The following ZFHX4 variants were observed in gnomAD, a reference collection of about 807,000 sequenced individuals.
The protein encoded by ZFHX4 is zinc finger homeobox 4, also known as zinc finger homeobox protein 4.
A neutral mutation model predicts 267.6 loss-of-function variants in ZFHX4; 56 were observed. The observed-to-expected ratio is 0.21, with a 90% CI of 0.17 to 0.26. The LOEUF is 0.26. Ranked by LOEUF, ZFHX4 falls within the 10% of genes least tolerant of loss-of-function variation. The pLI is 1.00. For synonymous variants in ZFHX4, 1,778 were observed against 1,665.6 expected, an observed-to-expected ratio of 1.07 and a Z score of -1.64; for missense variants, 4,332 against 4,420.0, an observed-to-expected ratio of 0.98 and a Z score of 0.56.
intron 3 of ZFHX4, among the ~76,000 whole-genome samples, chr8:76,757,135 C>T (rs944712852): frequency 6.6e-6 from 1 of 152,066 alleles, no homozygotes; most frequent in Non-Finnish European, 1.5e-5. Context: ...ACACTAGACA[C>T]AAGAGGCACG....
intron 9 of ZFHX4, 29 bp downstream of exon 9, chr8:76,850,391 A>G (rs1159472568): frequency 6.5e-7 from 1 of 1,549,226 alleles, no homozygotes; most frequent in Non-Finnish European, 8.8e-7. Context: ...AAGACTTGTG[A>G]ACAATACGCT....
Position 76,853,692 on chromosome 8 carries a change from A to G in ZFHX4, c.6771A>G (p.Glu2257=), listed in dbSNP as rs373595693. Residue 2257 remains glutamate, a synonymous_variant, in exon 10 of 11, where the codon GAA becomes GAG. Coordinates refer to ENST00000651372, the MANE Select transcript of ZFHX4 (RefSeq NM_024721.5). The part of the protein sequence containing the change: ...TNAYPKDDEI[E]QLSTVLNLPT... Reference sequence around the variant, plus strand: ...CTTACCCAAAAGATGATGAAATAGAACAACTCTCCACTGTTCTCAATCTGC... The same window carrying G: ...CTTACCCAAAAGATGATGAAATAGAGCAACTCTCCACTGTTCTCAATCTGC... The G allele has an allele frequency of 5.4e-5, 87 of 1,613,732 alleles. No homozygotes were observed. In the African/African-American group the frequency reaches 1.0e-3, roughly 19 times the overall value.
At chr8:76,794,111 T>G (rs1810910379) in intron 4 of ZFHX4, among the ~76,000 whole-genome samples, 1 of 152,182 alleles carries the variant, frequency 6.6e-6, no homozygotes, top group African/African-American at 2.4e-5. Context: ...AAGCAGAACT[T>G]TACAAAGCTT....
At chr8:76,831,065 A>G (rs1190204326) in intron 4 of ZFHX4, among the ~76,000 whole-genome samples, 3 of 152,206 alleles carry the variant, frequency 2.0e-5, no homozygotes, top group African/African-American at 7.2e-5. Flanking sequence ...AACCTCTTTA[A>G]GCTCTAGCTT....
rs767006421 is a variant in ZFHX4 at position 76,854,639 on chromosome 8, C to T, written c.7718C>T (p.Thr2573Met). 16 of 1,613,724 alleles carry T rather than the reference C, an allele frequency of 9.9e-6. No homozygotes were observed. Among genetic ancestry groups the T allele is most frequent in the Admixed American group, 8.3e-5 (5 of 60,008 alleles). Reference sequence around the variant, plus strand: ...TCCTCCCACACCACAGCCCCCACAACGGTTGCTGCTTCCCTAAAAAGGAAA... The same window carrying T: ...TCCTCCCACACCACAGCCCCCACAATGGTTGCTGCTTCCCTAAAAAGGAAA... ...ASSSHTTAPT[T>M]VAASLKRKLD... Residue 2573 changes from threonine to methionine, a missense_variant, in exon 10 of 11, where the codon ACG becomes ATG. Physicochemically the swap from Thr to Met is moderately conservative, Grantham distance 81. Coordinates refer to ENST00000651372, the MANE Select transcript of ZFHX4 (RefSeq NM_024721.5).
rs972690216 is a variant in ZFHX4, at chr8:76,808,677, C to G, written c.3326-24661C>G. 5.9e-5 allele frequency among the ~76,000 whole-genome samples: 9 copies of G among 152,050 alleles called. No individual in the cohort carries two copies. In the East Asian group the frequency reaches 1.7e-3, roughly 29 times the overall value. ...AGTGAGTCATTTAAATATTGATTGG[C>G]CCTTTCTACACGAATTGTTAGCTGA... On this transcript the variant is annotated intron_variant, in intron 4 of 10. Transcript: ENST00000651372.
chr8:76,843,026 G>A (rs940828089), intron 6 of ZFHX4, among the ~76,000 whole-genome samples: 4 of 152,116 alleles, frequency 2.6e-5, no homozygotes, highest in African/African-American at 7.2e-5. Context: ...ATTACAGGAC[G>A]ACCAGTGAGA....
At chr8:76,774,923 C>T (rs1335554821) in intron 3 of ZFHX4, among the ~76,000 whole-genome samples, 3 of 152,016 alleles carry the variant, frequency 2.0e-5, no homozygotes, top group African/African-American at 7.2e-5. Flanking sequence ...TACAAAATAT[C>T]AGTAATAGTG....
intron 4 of ZFHX4, among the ~76,000 whole-genome samples, chr8:76,823,130 C>CTTT (rs201717109): frequency 7.3e-6 from 1 of 136,266 alleles, no homozygotes. Context: ...ATAGTGTCTC[C>CTTT]TTTTTTTTTT....
chr8:76,839,053 AAGAG>A (rs35873786), intron 5 of ZFHX4, among the ~76,000 whole-genome samples: 14,726 of 107,004 alleles, frequency 0.14, 1,023 homozygotes, highest in African/African-American at 0.2. Context: ...CTCTGTCTGA[AAGAG>A]AGAGAGAGAG....
chr8:76,852,923 A>G lies in ZFHX4; in HGVS notation c.6002A>G (p.Glu2001Gly). The G allele has an allele frequency of 6.2e-7, 1 of 1,600,566 alleles. No homozygotes were observed. The highest frequency in any genetic ancestry group is 8.5e-7 in the Non-Finnish European group (1 of 1,173,026). Residue 2001 changes from glutamate (E) to glycine (G), a missense_variant, in exon 10 of 11, where the codon GAA becomes GGA. Glu to Gly is a moderately conservative substitution (Grantham distance 98). Transcript: ENST00000651372. ...KLYPISPSSP[E>G]TPPPPPPPPP... is the part of the protein sequence containing the mutation. Reference sequence around the variant, plus strand: ...TATCCAATTTCTCCATCTTCTCCAGAAACGCCGCCCCCGCCACCTCCTCCT... The same window carrying G: ...TATCCAATTTCTCCATCTTCTCCAGGAACGCCGCCCCCGCCACCTCCTCCT...
In ZFHX4 at chr8:76,754,146, A is replaced by G. The variant is rs557366188; in HGVS notation, c.3094-24062A>G. Reference sequence around the variant, plus strand: ...GTTATTCTTAGGAACATATTTGTTTACGTATCTTTACATTCCTGATTATTT... The same window carrying G: ...GTTATTCTTAGGAACATATTTGTTTGCGTATCTTTACATTCCTGATTATTT... On this transcript the variant is annotated intron_variant, in intron 3 of 10. Transcript: ENST00000651372. Among the ~76,000 whole-genome samples the G allele has an allele frequency of 2.6e-5, 4 of 152,286 alleles. No homozygotes were observed. The East Asian group carries it at 7.7e-4, about 29-fold the overall frequency.
chr8:76,854,373 C>T lies in ZFHX4; in HGVS notation c.7452C>T (p.Asn2484=). The change falls in exon 10 of 11, where the codon AAC becomes AAT. Residue 2484 remains asparagine (N), a synonymous_variant. Transcript: ENST00000651372. ...PLQISMTSLQ[N]SLPPQLLQYQ... ...AAATTTCCATGACGTCTCTCCAGAA[C>T]AGTCTACCTCCACAGTTACTACAAT... 2 of 1,613,918 alleles carry T rather than the reference C, an allele frequency of 1.2e-6. No individual in the cohort carries two copies. Among genetic ancestry groups the T allele is most frequent in the Non-Finnish European group, 1.7e-6 (2 of 1,179,878 alleles).
At chr8:76,842,593 T>G in intron 5 of ZFHX4, 62 bp from the exon 6 acceptor site, 2 of 1,247,448 alleles carry the variant, frequency 1.6e-6, no homozygotes, top group Non-Finnish European at 2.2e-6. Flanking sequence ...CCACCTAGTT[T>G]ATTTCAGTGT....
At chr8:76,759,495 G>T (rs564835373) in intron 3 of ZFHX4, among the ~76,000 whole-genome samples, 1 of 152,146 alleles carries the variant, frequency 6.6e-6, no homozygotes, top group Non-Finnish European at 1.5e-5. Flanking sequence ...AAAATGATCT[G>T]CCCCCAGGCC....
At chr8:76,698,086 T>C (rs952926639) in intron 1 of ZFHX4, among the ~76,000 whole-genome samples, 3 of 152,104 alleles carry the variant, frequency 2.0e-5, no homozygotes, top group African/African-American at 7.2e-5. Flanking sequence ...CAAAACAGTA[T>C]CAAAGAAAGA....
At chr8:76,716,416 T>TA (rs1808576193) in intron 3 of ZFHX4, among the ~76,000 whole-genome samples, 1 of 152,186 alleles carries the variant, frequency 6.6e-6, no homozygotes, top group South Asian at 2.1e-4. Flanking sequence ...CTAACAGCCA[T>TA]ATGCTATTAT....
At chr8:76,862,951 T>C in intron 10 of ZFHX4, 143 bp from the exon 11 acceptor site, 1 of 1,218,094 alleles carries the variant, frequency 8.2e-7, no homozygotes, top group Non-Finnish European at 1.1e-6. Context: ...TTCTAGGTGG[T>C]GATCATGAAT....
At chr8:76,698,272 T>G (rs996159660) in intron 1 of ZFHX4, among the ~76,000 whole-genome samples, 1 of 152,146 alleles carries the variant, frequency 6.6e-6, no homozygotes, top group African/African-American at 2.4e-5. Flanking sequence ...GCACACTGAT[T>G]ATAAAATTTT....
Sources: gnomAD v4.1 joint callset for allele counts (sites outside exome capture counted in the v4.1 genomes callset) on GRCh38, gnomAD v4.1.1 for gene constraint, MANE v1.5 for transcripts, NCBI Gene and HGNC (gene_info 2026-07-23, HGNC 2026-07-21) for gene names.